Variants in LCLAT1 observed in about 807,000 individuals in gnomAD.
The protein encoded by LCLAT1 is lysocardiolipin acyltransferase 1, also known as 1-AGP acyltransferase 8.
In LCLAT1, 11 loss-of-function variants were observed where a neutral mutation model predicts 30.7. That is an observed-to-expected ratio of 0.36 (90% CI 0.23 to 0.59). The LOEUF (loss-of-function observed/expected upper bound fraction) is 0.59. Ranked by LOEUF, LCLAT1 falls within the 20% of genes least tolerant of loss-of-function variation. The probability of loss-of-function intolerance (pLI) is 0.77; values close to 1 mark genes in which losing one functional copy is unlikely to be tolerated. For missense variants in LCLAT1, 402 were observed against 458.6 expected (o/e 0.88, Z 1.13); for synonymous variants, 155 against 151.3 (o/e 1.02, Z -0.18).
At chr2:30,613,126 A>G (rs1481275027) in intron 5 of LCLAT1, among the ~76,000 whole-genome samples, 2 of 152,184 alleles carry the variant, frequency 1.3e-5, no homozygotes, top group Non-Finnish European at 2.9e-5. Flanking sequence ...CAAGAGATGC[A>G]GTGTGGCTAG....
At chr2:30,470,936 CAG>C (rs1205130936) in intron 1 of LCLAT1, among the ~76,000 whole-genome samples, 10 of 134,690 alleles carry the variant, frequency 7.4e-5, no homozygotes, top group African/African-American at 2.5e-4. Context: ...TTTTTTGAGA[CAG>C]AGTTTTGCTC....
At chr2:30,585,862 C>A (rs192491322) in intron 5 of LCLAT1, among the ~76,000 whole-genome samples, 14 of 152,184 alleles carry the variant, frequency 9.2e-5, no homozygotes, top group Non-Finnish European at 1.0e-4. Context: ...GGAGAAAATC[C>A]CCTAAACCAT....
At chr2:30,544,110 G>A (rs1045570503) in intron 3 of LCLAT1, among the ~76,000 whole-genome samples, 1 of 152,018 alleles carries the variant, frequency 6.6e-6, no homozygotes, top group African/African-American at 2.4e-5. Context: ...CCTTTAGCCC[G>A]AGACTGAAAG....
At chr2:30,480,352 G>T (rs1169592667) in intron 1 of LCLAT1, among the ~76,000 whole-genome samples, 1 of 151,908 alleles carries the variant, frequency 6.6e-6, no homozygotes, top group African/African-American at 2.4e-5. Flanking sequence ...CACCATGCTC[G>T]GCTAATTTTT....
intron 5 of LCLAT1, among the ~76,000 whole-genome samples, chr2:30,610,368 T>C (rs1413406695): frequency 6.8e-6 from 1 of 147,778 alleles, no homozygotes; most frequent in Non-Finnish European, 1.5e-5. Context: ...TATTAGCCTA[T>C]AATAATTATT....
intron 1 of LCLAT1, chr2:30,459,560 A>T: frequency 7.9e-7 from 1 of 1,268,676 alleles, no homozygotes; most frequent in Non-Finnish European, 1.2e-6. Context: ...AGGCTGAAAA[A>T]CAGAGTGGGT....
chr2:30,456,003 A>G (rs1201824836), intron 1 of LCLAT1, among the ~76,000 whole-genome samples: 1 of 152,016 alleles, frequency 6.6e-6, no homozygotes, highest in African/African-American at 2.4e-5. Context: ...AATTCTTTAA[A>G]CATTGGTAGA....
chr2:30,516,710 C>T (rs1186328724), intron 1 of LCLAT1, among the ~76,000 whole-genome samples: 1 of 152,190 alleles, frequency 6.6e-6, no homozygotes, highest in East Asian at 1.9e-4. Context: ...CCAGTAACAT[C>T]TGGTGGCCTG....
intron 3 of LCLAT1, among the ~76,000 whole-genome samples, chr2:30,551,285 G>A (rs1200013975): frequency 6.6e-6 from 1 of 152,174 alleles, no homozygotes; most frequent in Non-Finnish European, 1.5e-5. Flanking sequence ...GAGATTATAG[G>A]CATGAGCCAC....
At chr2:30,572,076 C>T (rs959247623) in intron 5 of LCLAT1, among the ~76,000 whole-genome samples, 1 of 152,178 alleles carries the variant, frequency 6.6e-6, no homozygotes, top group Non-Finnish European at 1.5e-5. Flanking sequence ...ATGTCAGAGA[C>T]CTTTGATGTC....
intron 5 of LCLAT1, among the ~76,000 whole-genome samples, chr2:30,569,624 A>T (rs1272519571): frequency 6.6e-6 from 1 of 151,376 alleles, no homozygotes; most frequent in South Asian, 2.1e-4. Flanking sequence ...TCTTTCCCTA[A>T]ATGGCATCAC....
chr2:30,567,861 TG>T (rs1665563799), intron 4 of LCLAT1, among the ~76,000 whole-genome samples, 198 bp from the exon 5 acceptor site: 1 of 152,168 alleles, frequency 6.6e-6, no homozygotes, highest in African/African-American at 2.4e-5. Context: ...TAGCCAAACC[TG>T]GGTCTGGTTA....
intron 5 of LCLAT1, among the ~76,000 whole-genome samples, chr2:30,625,009 T>G (rs1253375944): frequency 6.6e-6 from 1 of 152,138 alleles, no homozygotes; most frequent in Non-Finnish European, 1.5e-5. Context: ...TGCTCCGGAA[T>G]GATTATCAGG....
intron 1 of LCLAT1, among the ~76,000 whole-genome samples, chr2:30,523,462 C>T (rs1188917890): frequency 6.6e-6 from 1 of 152,160 alleles, no homozygotes; most frequent in East Asian, 1.9e-4. Flanking sequence ...TCCGTTACCC[C>T]ACTTCTTTAA....
intron 3 of LCLAT1, among the ~76,000 whole-genome samples, chr2:30,546,881 G>T (rs1013382378): frequency 1.3e-5 from 2 of 152,012 alleles, no homozygotes; most frequent in East Asian, 3.9e-4. Context: ...ACAATTTCAT[G>T]CTGCCCTCCT....
intron 3 of LCLAT1, among the ~76,000 whole-genome samples, chr2:30,534,229 G>C (rs1246312080): frequency 2.5e-4 from 5 of 20,356 alleles, no homozygotes; most frequent in Admixed American, 1.0e-3. Context: ...CTGTGTGTGT[G>C]TGTGTGTGTG....
At chr2:30,503,275 T>A (rs1013164596) in intron 1 of LCLAT1, among the ~76,000 whole-genome samples, 11 of 152,204 alleles carry the variant, frequency 7.2e-5, no homozygotes, top group African/African-American at 2.2e-4. Flanking sequence ...CTGGGCCAGA[T>A]CCTGTTTTGG....
chr2:30,543,150 G>A (rs1476740957), intron 3 of LCLAT1, among the ~76,000 whole-genome samples: 1 of 151,884 alleles, frequency 6.6e-6, no homozygotes, highest in Non-Finnish European at 1.5e-5. Context: ...TTCTATTCCT[G>A]ATTTGCTGTG....
At chr2:30,473,999 A>G (rs1682925740) in intron 1 of LCLAT1, among the ~76,000 whole-genome samples, 1 of 152,232 alleles carries the variant, frequency 6.6e-6, no homozygotes, top group South Asian at 2.1e-4. Context: ...TCTTACCAAT[A>G]ATAAGAAAAC....
Sources: gnomAD v4.1 joint callset for allele counts (sites outside exome capture counted in the v4.1 genomes callset) on GRCh38, gnomAD v4.1.1 for gene constraint, MANE v1.5 for transcripts, NCBI Gene and HGNC (gene_info 2026-07-23, HGNC 2026-07-21) for gene names.